Variants in SI observed in about 807,000 individuals in gnomAD.
SI encodes sucrase-isomaltase, also known as sucrase-isomaltase, intestinal.
In SI, 235 loss-of-function variants were observed where a neutral mutation model predicts 253.3. That is an observed-to-expected ratio of 0.93 (90% CI 0.83 to 1.03). The LOEUF (loss-of-function observed/expected upper bound fraction) is 1.03, where lower values mean the gene tolerates loss of function less well. SI is among the 50% of genes least tolerant of loss of function. The pLI is 0.00. For missense variants in SI, 2,442 were observed against 2,211.1 expected (o/e 1.10, Z -2.09); for synonymous variants, 819 against 712.0 (o/e 1.15, Z -2.39).
chr3:165,071,950 T>G (rs981045144), intron 3 of SI, among the ~76,000 whole-genome samples: 5 of 152,156 alleles, frequency 3.3e-5, no homozygotes, highest in South Asian at 2.1e-4. Flanking sequence ...GCACTTTGCA[T>G]GGAATTATGC....
At chr3:165,082,215 C>G (rs574664109), upstream of SI, among the ~76,000 whole-genome samples, 3 of 152,038 alleles carry the variant, frequency 2.0e-5, no homozygotes, top group African/African-American at 7.2e-5. Flanking sequence ...GCAACGTGAG[C>G]TCAAGACTTT....
At chr3:165,045,537 T>G (rs2108226311) in intron 16 of SI, among the ~76,000 whole-genome samples, 1 of 152,088 alleles carries the variant, frequency 6.6e-6, no homozygotes, top group Middle Eastern at 3.4e-3. Context: ...CTTTGTATTT[T>G]AAAATTTTTC....
intron 21 of SI, among the ~76,000 whole-genome samples, chr3:165,037,526 T>C (rs1016444021): frequency 6.6e-6 from 1 of 151,904 alleles, no homozygotes; most frequent in Admixed American, 6.6e-5. Context: ...AGAAATACAT[T>C]GGGATTTATG....
rs748153693 is a variant in SI at position 164,991,409 on chromosome 3, A to C, written c.5052T>G (p.His1684Gln). ...FNASYDTINL[H>Q]VRGGHILPCQ... ...ATGGTAGGATGTGACCACCACGGACATGTAGGTTTATTGTGTCATAAGAAG... is the reference window on the plus strand; with the variant it reads ...ATGGTAGGATGTGACCACCACGGACCTGTAGGTTTATTGTGTCATAAGAAG... Residue 1684 changes from histidine (H) to glutamine (Q), a missense_variant, in exon 44 of 48, where the codon CAT (histidine) becomes CAG (glutamine). By Grantham distance (24) the His-to-Gln change is conservative. Transcript: ENST00000264382. The C allele has an allele frequency of 2.5e-5, 40 of 1,613,506 alleles. No homozygotes were observed. The highest frequency in any genetic ancestry group is 3.2e-5 in the Non-Finnish European group (38 of 1,179,646).
chr3:165,007,037 G>A (rs1718546111), intron 36 of SI, 83 bp from the exon 37 acceptor site: 2 of 998,320 alleles, frequency 2.0e-6, no homozygotes, highest in African/African-American at 3.2e-5. Context: ...TGTATTCCTT[G>A]ACAAAGAAAT....
chr3:165,058,776 G>A (rs547866580), intron 12 of SI, among the ~76,000 whole-genome samples, 187 bp downstream of exon 12: 1 of 151,358 alleles, frequency 6.6e-6, no homozygotes, highest in East Asian at 1.9e-4. Flanking sequence ...TATAAGAACT[G>A]TTTTATAAAT....
At chr3:165,087,572 A>C in the SI span, among the ~76,000 whole-genome samples, 1 of 152,132 alleles carries the variant, frequency 6.6e-6, no homozygotes, top group Admixed American at 6.6e-5. Context: ...TACTCATAGC[A>C]ACAGCAATAT....
At chr3:165,080,503 A>G (rs1177526394), upstream of SI, among the ~76,000 whole-genome samples, 1 of 152,046 alleles carries the variant, frequency 6.6e-6, no homozygotes, top group Non-Finnish European at 1.5e-5. Context: ...GAACCAACCC[A>G]AATGTCCATC....
intron 1 of SI, among the ~76,000 whole-genome samples, 180 bp from the exon 2 acceptor site, chr3:165,076,192 A>G (rs1714961835): frequency 6.6e-6 from 1 of 151,888 alleles, no homozygotes; most frequent in Admixed American, 6.6e-5. Context: ...CATGTACTTA[A>G]TAACCTGAAA....
intron 40 of SI, among the ~76,000 whole-genome samples, chr3:164,996,196 A>G (rs2108134518): frequency 6.6e-6 from 1 of 151,846 alleles, no homozygotes; most frequent in East Asian, 1.9e-4. Context: ...TTTACTTACT[A>G]TAGGCAGAGC....
chr3:165,089,044 G>C, the SI span, among the ~76,000 whole-genome samples: 1 of 149,076 alleles, frequency 6.7e-6, no homozygotes, highest in African/African-American at 2.5e-5. Context: ...CAAATTTGCT[G>C]TCTTGGTTTT....
At chr3:165,086,791 A>G in the SI span, among the ~76,000 whole-genome samples, 3 of 152,162 alleles carry the variant, frequency 2.0e-5, no homozygotes, top group African/African-American at 4.8e-5. Context: ...GCAAGTGAGT[A>G]AGGAGTATGC....
At chr3:164,990,044 C>G (rs138514351) in intron 44 of SI, among the ~76,000 whole-genome samples, 1 of 152,074 alleles carries the variant, frequency 6.6e-6, no homozygotes, top group Non-Finnish European at 1.5e-5. Context: ...ACAACATCAA[C>G]AGTGAACCCT....
intron 41 of SI, among the ~76,000 whole-genome samples, chr3:164,994,033 CT>C (rs1717898265): frequency 6.6e-6 from 1 of 151,700 alleles, no homozygotes; most frequent in Non-Finnish European, 1.5e-5. Flanking sequence ...AGAATCATTA[CT>C]TTTTAATAAC....
chr3:165,059,843 TTATTATGTGACAA>T, intron 10 of SI, 46 bp downstream of exon 10: 1 of 1,546,286 alleles, frequency 6.5e-7, no homozygotes, highest in Non-Finnish European at 8.9e-7. Flanking sequence ...CCTACAGTTC[TTATTATGTGACAA>T]TATTTAACTT....
rs768409768 is a variant in SI, at chr3:165,068,729, C to T, written c.476G>A (p.Arg159Gln). The T allele has an allele frequency of 2.7e-5, 44 of 1,611,694 alleles. No individual in the cohort carries two copies. Among genetic ancestry groups the T allele is most frequent in the African/African-American group, 4.0e-5 (3 of 74,810 alleles). The change falls in exon 5 of 48, where the codon CGG becomes CAG. Residue 159 changes from arginine (R) to glutamine (Q), a missense_variant. By Grantham distance (43) the Arg-to-Gln change is conservative. Transcript: ENST00000264382. Reference sequence around the variant, plus strand: ...AAACCTTAAAAACCGAACCTTGAACCGGAAACGATTGGGTGTCTGATTTTG... The same window carrying T: ...AAACCTTAAAAACCGAACCTTGAACTGGAAACGATTGGGTGTCTGATTTTG... Reference protein sequence around the residue: ...TTQNQTPNRFRFKITDPNNRR... With the variant: ...TTQNQTPNRFQFKITDPNNRR...
At chr3:165,065,795 A>G (rs1263166014) in intron 6 of SI, among the ~76,000 whole-genome samples, 1 of 151,552 alleles carries the variant, frequency 6.6e-6, no homozygotes, top group Non-Finnish European at 1.5e-5. Flanking sequence ...TTTCAAACCC[A>G]ATTCTGCTTG....
intron 3 of SI, among the ~76,000 whole-genome samples, chr3:165,070,348 AT>A (rs1714493485): frequency 3.2e-4 from 3 of 9,384 alleles, no homozygotes; most frequent in Non-Finnish European, 1.3e-3. Flanking sequence ...TAAACACCAT[AT>A]ATATATATAT....
At chr3:165,069,430 A>T (rs936226845) in intron 3 of SI, among the ~76,000 whole-genome samples, 4 of 152,136 alleles carry the variant, frequency 2.6e-5, no homozygotes, top group Non-Finnish European at 4.4e-5. Flanking sequence ...TATTAAAATC[A>T]CGTATCTATA....
Sources: allele counts gnomAD v4.1 joint callset (sites outside exome capture counted in the v4.1 genomes callset), GRCh38; gene constraint gnomAD v4.1.1; transcripts MANE v1.5; gene names NCBI Gene and HGNC (gene_info 2026-07-23, HGNC 2026-07-21).